Variants in TIAM1 observed in about 807,000 individuals in gnomAD.
The protein encoded by TIAM1 is rho guanine nucleotide exchange factor TIAM1.
A neutral mutation model predicts 163.5 loss-of-function variants in TIAM1; 65 were observed. The observed-to-expected ratio is 0.40, with a 90% CI of 0.33 to 0.49. The LOEUF (loss-of-function observed/expected upper bound fraction) is 0.49, where lower values mean the gene tolerates loss of function less well. Ranked by LOEUF, TIAM1 falls within the 20% of genes least tolerant of loss-of-function variation. The pLI is 0.77. For missense variants in TIAM1, 1,789 were observed against 2,044.7 expected, an observed-to-expected ratio of 0.87 and a Z score of 2.41; for synonymous variants, 833 against 810.1, an observed-to-expected ratio of 1.03 and a Z score of -0.48.
chr21:31,463,406 G>A (rs1031240795), intron 2 of TIAM1, among the ~76,000 whole-genome samples: 6 of 152,186 alleles, frequency 3.9e-5, no homozygotes, highest in Middle Eastern at 3.4e-3. Flanking sequence ...CATCTCCATC[G>A]CCAGCAGCCC....
intron 2 of TIAM1, among the ~76,000 whole-genome samples, chr21:31,354,405 G>T (rs955649980): frequency 1.3e-5 from 2 of 152,160 alleles, no homozygotes; most frequent in African/African-American, 4.8e-5. Flanking sequence ...TATGCATAAT[G>T]CATGTGTGGG....
intron 2 of TIAM1, among the ~76,000 whole-genome samples, chr21:31,421,079 C>T (rs1331672458): frequency 6.6e-6 from 1 of 150,414 alleles, no homozygotes; most frequent in Non-Finnish European, 1.5e-5. Flanking sequence ...TGCAGTGAGC[C>T]GAGATCATGC....
At chr21:31,365,320 T>C (rs2076480796) in intron 2 of TIAM1, among the ~76,000 whole-genome samples, 1 of 152,154 alleles carries the variant, frequency 6.6e-6, no homozygotes, top group Non-Finnish European at 1.5e-5. Context: ...TGTGCTGATG[T>C]TTCCGTCTTG....
chr21:31,338,776 G>A (rs2075931338), intron 2 of TIAM1, among the ~76,000 whole-genome samples: 1 of 152,156 alleles, frequency 6.6e-6, no homozygotes, highest in Non-Finnish European at 1.5e-5. Context: ...GCAGCAGGGA[G>A]GCCGCATGAA....
chr21:31,167,378 C>T (rs961518407), intron 15 of TIAM1, among the ~76,000 whole-genome samples: 5 of 152,040 alleles, frequency 3.3e-5, no homozygotes, highest in South Asian at 2.1e-4. Context: ...CCACAGTGCC[C>T]GGCTGGATTT....
chr21:31,119,220 G>A lies in TIAM1; in HGVS notation c.*1148C>T, dbSNP rs2081912984. 6.6e-6 allele frequency: 1 copy of A among 152,570 alleles called. No homozygotes were observed. The highest frequency in any genetic ancestry group is 1.9e-4 in the East Asian group (1 of 5,184). 9.5% of individuals were successfully genotyped at this position (152,570 alleles called of 1,614,324 possible). On this transcript the variant is annotated 3_prime_UTR_variant, in exon 28 of 28. Coordinates refer to ENST00000541036, the MANE Select transcript of TIAM1 (RefSeq NM_001353694.2). ...GTTTACCCTGTTTCGTTGGCATGAAGAAAGTGTTAAACACAAGAGAAGTTT... is the reference window on the plus strand; with the variant it reads ...GTTTACCCTGTTTCGTTGGCATGAAAAAAGTGTTAAACACAAGAGAAGTTT...
intron 4 of TIAM1, among the ~76,000 whole-genome samples, chr21:31,254,589 G>A (rs1006464906): frequency 1.3e-5 from 2 of 152,154 alleles, no homozygotes; most frequent in South Asian, 2.1e-4. Context: ...CCAGCTACTC[G>A]GGAGGTTGAG....
At chr21:31,327,643 C>CAAAAAAA (rs373702154) in intron 2 of TIAM1, among the ~76,000 whole-genome samples, 8,164 of 69,092 alleles carry the variant, frequency 0.12, 616 homozygotes, top group African/African-American at 0.17. Flanking sequence ...GCCGCCATCT[C>CAAAAAAA]AAAAAAAAAA....
At chr21:31,347,119 C>G (rs944139909), upstream of TIAM1, among the ~76,000 whole-genome samples, 2 of 151,996 alleles carry the variant, frequency 1.3e-5, no homozygotes, top group Admixed American at 1.3e-4. Context: ...TCTCTCAGGC[C>G]TAAAAATAAA....
At chr21:31,280,967 A>C (rs1601811882) in intron 2 of TIAM1, among the ~76,000 whole-genome samples, 3 of 151,000 alleles carry the variant, frequency 2.0e-5, no homozygotes, top group Non-Finnish European at 2.9e-5. Flanking sequence ...AATAAAAAAA[A>C]TTAGCTGGGT....
At chr21:31,154,496 C>A in intron 16 of TIAM1, 70 bp from the exon 17 acceptor site, 2 of 1,481,068 alleles carry the variant, frequency 1.4e-6, no homozygotes, top group Non-Finnish European at 9.1e-7. Context: ...ACACCTGGAC[C>A]GCCTAGAGGT....
intron 2 of TIAM1, among the ~76,000 whole-genome samples, chr21:31,462,596 C>T (rs935034713): frequency 3.3e-5 from 5 of 152,294 alleles, no homozygotes; most frequent in East Asian, 1.9e-4. Flanking sequence ...CATTTCTCAA[C>T]AACCACAACT....
chr21:31,495,978 A>G (rs2046627047), intron 1 of TIAM1, among the ~76,000 whole-genome samples: 1 of 151,954 alleles, frequency 6.6e-6, no homozygotes. Context: ...AAAAAAAAAA[A>G]AGATTACAAT....
chr21:31,238,746 A>G (rs1000932960), intron 6 of TIAM1, among the ~76,000 whole-genome samples: 1 of 152,224 alleles, frequency 6.6e-6, no homozygotes, highest in African/African-American at 2.4e-5. Flanking sequence ...TACTGTAGCC[A>G]CTGACTCTTG....
Position 31,154,438 on chromosome 21 carries a change from A to G in TIAM1, c.2992-12T>C, listed in dbSNP as rs1555873464. 13 of 1,608,694 alleles carry G rather than the reference A, an allele frequency of 8.1e-6. No homozygotes were observed. In the Admixed American group the frequency reaches 8.4e-5, roughly 10 times the overall value. ...ACCTGTTCTGTACTCTTCGGAGCACAGGGGGGAAGGGAAGGCAGAGGTCAT... is the reference window on the plus strand; with the variant it reads ...ACCTGTTCTGTACTCTTCGGAGCACGGGGGGGAAGGGAAGGCAGAGGTCAT... On this transcript the variant is annotated splice_polypyrimidine_tract_variant and intron_variant, in intron 16 of 27. Coordinates refer to ENST00000541036, the MANE Select transcript of TIAM1 (RefSeq NM_001353694.2).
At chr21:31,373,265 G>A (rs921917568) in intron 2 of TIAM1, among the ~76,000 whole-genome samples, 1 of 152,102 alleles carries the variant, frequency 6.6e-6, no homozygotes, top group African/African-American at 2.4e-5. Flanking sequence ...ACTCCAGCTT[G>A]GGATACAGGA....
chr21:31,411,312 A>G (rs1445141110), intron 2 of TIAM1, among the ~76,000 whole-genome samples: 1 of 152,322 alleles, frequency 6.6e-6, no homozygotes, highest in African/African-American at 2.4e-5. Flanking sequence ...CTGTCTGGAT[A>G]AAGGTGACTA....
Position 31,395,634 on chromosome 21 carries a change from G to A in TIAM1, c.-368-56212C>T, listed in dbSNP as rs760640882. On this transcript the variant is annotated intron_variant, in intron 2 of 28. Coordinates refer to the TIAM1 transcript ENST00000286827. This position sits in a 1 kb window ranked among gnomAD's most constrained non-coding sequence, Gnocchi z 7.5. ...TCCACATAAATGAACTTACACAGAGGGCATGGGGGTAGTAAAAGGTGCTGG... is the reference window on the plus strand; with the variant it reads ...TCCACATAAATGAACTTACACAGAGAGCATGGGGGTAGTAAAAGGTGCTGG... Among the ~76,000 whole-genome samples the A allele has an allele frequency of 3.9e-5, 6 of 152,138 alleles. No homozygotes were observed. Among genetic ancestry groups the A allele is most frequent in the Non-Finnish European group, 7.4e-5 (5 of 68,022 alleles).
At chr21:31,387,123 G>A (rs1322142329) in intron 2 of TIAM1, among the ~76,000 whole-genome samples, 3 of 151,512 alleles carry the variant, frequency 2.0e-5, no homozygotes, top group Non-Finnish European at 2.9e-5. Context: ...CCAGAGATGT[G>A]GGGAGCCCCC....
Sources: gnomAD v4.1 joint callset for allele counts (sites outside exome capture counted in the v4.1 genomes callset) on GRCh38, gnomAD v4.1.1 for gene constraint, Gnocchi (gnomAD v3.1) non-coding constraint, MANE v1.5 for transcripts, NCBI Gene and HGNC (gene_info 2026-07-23, HGNC 2026-07-21) for gene names.